The following FCHO2 variants were observed in gnomAD, a reference collection of about 807,000 sequenced individuals.
FCHO2 encodes the protein F-BAR domain only protein 2.
FCHO2 carries 43 observed loss-of-function variants against 114.1 expected under a neutral mutation model. The observed-to-expected ratio is 0.38, with a 90% CI of 0.30 to 0.49. The LOEUF is 0.49. Ranked by LOEUF, FCHO2 falls within the 20% of genes least tolerant of loss-of-function variation. The pLI is 0.97. For missense variants in FCHO2, 807 were observed against 950.4 expected (o/e 0.85, Z 1.98); for synonymous variants, 293 against 315.2 (o/e 0.93, Z 0.75).
chr5:73,072,007 A>G (rs1742680329), intron 19 of FCHO2, among the ~76,000 whole-genome samples: 1 of 151,782 alleles, frequency 6.6e-6, no homozygotes, highest in Non-Finnish European at 1.5e-5. Context: ...ATAAATATTC[A>G]TTTGTGTGAG....
In FCHO2 at chr5:73,049,283, C is replaced by T. The variant is rs540724638; in HGVS notation, c.940-2066C>T. Among the ~76,000 whole-genome samples the T allele has an allele frequency of 1.2e-4, 19 of 152,250 alleles. 1 individual carries two copies. In the South Asian group the frequency reaches 3.9e-3, roughly 32 times the overall value. ...ATTTACACTCTCAGTCCTTTTGCTT[C>T]ACCACACCACACCCCAAGATACACG... On this transcript the variant is annotated intron_variant, in intron 11 of 25. Transcript: ENST00000430046.
chr5:73,063,411 G>C (rs1757934125), intron 17 of FCHO2, among the ~76,000 whole-genome samples: 1 of 151,930 alleles, frequency 6.6e-6, no homozygotes, highest in Admixed American at 6.6e-5. Flanking sequence ...TTTTAATTAA[G>C]GTAAGTATTT....
intron 5 of FCHO2, among the ~76,000 whole-genome samples, chr5:73,005,298 A>G (rs1238031036): frequency 6.6e-6 from 1 of 152,124 alleles, no homozygotes; most frequent in Non-Finnish European, 1.5e-5. Flanking sequence ...ATAATTACAT[A>G]TTGGTACTGA....
intron 8 of FCHO2, among the ~76,000 whole-genome samples, chr5:73,020,408 A>G (rs1422235526): frequency 6.6e-6 from 1 of 152,178 alleles, no homozygotes; most frequent in Non-Finnish European, 1.5e-5. Context: ...ACTTTCTCAG[A>G]CTGTATGGAT....
intron 6 of FCHO2, among the ~76,000 whole-genome samples, chr5:73,014,907 C>G (rs1038828649): frequency 1.3e-5 from 2 of 151,588 alleles, no homozygotes; most frequent in African/African-American, 4.8e-5. Context: ...TGAAACCCGT[C>G]TCTACTAAAA....
intron 8 of FCHO2, among the ~76,000 whole-genome samples, chr5:73,033,664 A>C (rs1756350493): frequency 6.6e-6 from 1 of 152,170 alleles, no homozygotes; most frequent in Non-Finnish European, 1.5e-5. Context: ...TCACAAAAAA[A>C]GCTAGACTTT....
At chr5:72,997,483 T>G in intron 5 of FCHO2, 1 of 1,527,108 alleles carries the variant, frequency 6.5e-7, no homozygotes, top group Non-Finnish European at 9.1e-7. Flanking sequence ...CTCCAGGGGT[T>G]TACAGGAGCC....
chr5:73,056,872 T>TA lies in FCHO2; in HGVS notation c.1253+776dup, dbSNP rs60237022. Among the ~76,000 whole-genome samples, 166 of 148,026 alleles carry TA rather than the reference T, an allele frequency of 1.1e-3. 1 individual carries two copies. Among genetic ancestry groups the TA allele is most frequent in the South Asian group, 3.2e-3 (15 of 4,652 alleles). On this transcript the variant is annotated intron_variant, in intron 16 of 25. Coordinates refer to ENST00000430046, the MANE Select transcript of FCHO2 (RefSeq NM_138782.3). ...TAGAAGGCATGTTGCCAGCTCTTCT[T>TA]AAAAAAAAAAATGTTAAGCCAATGT... is the stretch of plus-strand genomic sequence containing the variant.
intron 7 of FCHO2, 134 bp from the exon 8 acceptor site, chr5:73,017,078 T>G: frequency 1.9e-6 from 1 of 539,378 alleles, no homozygotes; most frequent in East Asian, 3.4e-5. Flanking sequence ...TTAGGTAAAT[T>G]AAAGTCCTCA....
chr5:73,023,681 C>G (rs1323657403), intron 8 of FCHO2, among the ~76,000 whole-genome samples: 1 of 147,404 alleles, frequency 6.8e-6, no homozygotes, highest in African/African-American at 2.5e-5. Context: ...GCCTAGGCAA[C>G]AAGAGCGAAA....
At chr5:72,996,883 C>T (rs62360759) in intron 5 of FCHO2, 230,067 of 1,482,522 alleles carry the variant, frequency 0.16, 19,211 homozygotes, top group Non-Finnish European at 0.17. Context: ...CCGGGGCCGG[C>T]GGGGCCGGCA....
At chr5:73,074,608 C>G in intron 19 of FCHO2, 134 bp from the exon 20 acceptor site, 1 of 735,484 alleles carries the variant, frequency 1.4e-6, no homozygotes, top group South Asian at 1.8e-5. Context: ...TCTTAGCCCC[C>G]AGATTTATCA....
At chr5:73,052,559 C>T in intron 13 of FCHO2, 52 bp downstream of exon 13, 1 of 1,403,828 alleles carries the variant, frequency 7.1e-7, no homozygotes, top group Non-Finnish European at 9.7e-7. Flanking sequence ...ATTTTTCTTA[C>T]CTACCTGTGT....
chr5:72,997,902 C>G (rs1580072591), intron 5 of FCHO2, among the ~76,000 whole-genome samples: 1 of 152,320 alleles, frequency 6.6e-6, no homozygotes, highest in African/African-American at 2.4e-5. Flanking sequence ...CAGGCAGAGG[C>G]CTAGGAGAAC....
At chr5:73,042,650 A>G (rs1371468826) in intron 11 of FCHO2, among the ~76,000 whole-genome samples, 1 of 152,172 alleles carries the variant, frequency 6.6e-6, no homozygotes, top group Non-Finnish European at 1.5e-5. Context: ...AATACGTTAT[A>G]AAAGGATTTG....
At chr5:72,998,426 G>T (rs1754246392) in intron 5 of FCHO2, among the ~76,000 whole-genome samples, 1 of 151,906 alleles carries the variant, frequency 6.6e-6, no homozygotes, top group South Asian at 2.1e-4. Flanking sequence ...GGCAGAGCTT[G>T]CAGTGAGCCG....
chr5:72,959,646 T>G lies in FCHO2; in HGVS notation c.33+3517T>G, dbSNP rs112586147. On this transcript the variant is annotated intron_variant, in intron 1 of 25. Transcript: ENST00000430046. Reference sequence around the variant, plus strand: ...AATAAAATTGTCAAAATTCAAAACATCGTGCTCTATATGATAAATATATAT... The same window carrying G: ...AATAAAATTGTCAAAATTCAAAACAGCGTGCTCTATATGATAAATATATAT... Among the ~76,000 whole-genome samples the G allele has an allele frequency of 7.7e-3, 1,174 of 152,306 alleles. 13 individuals are homozygous for G. The highest frequency in any genetic ancestry group is 0.027 in the African/African-American group (1,125 of 41,556).
At chr5:73,056,833 A>G (rs1178089405) in intron 16 of FCHO2, among the ~76,000 whole-genome samples, 2 of 152,156 alleles carry the variant, frequency 1.3e-5, no homozygotes, top group African/African-American at 4.8e-5. Context: ...CAAGTTGGAA[A>G]GGGAGAGAGA....
Position 73,041,294 on chromosome 5 carries a change from A to T in FCHO2, c.918A>T (p.Glu306Asp). 6.8e-7 allele frequency: 1 copy of T among 1,480,666 alleles called. No individual in the cohort carries two copies. Among genetic ancestry groups the T allele is most frequent in the Non-Finnish European group, 9.4e-7 (1 of 1,065,744 alleles). The allele number at this position is 1,480,666 out of a possible 1,614,324, so 91.7% of individuals were successfully genotyped here. A position where few individuals can be genotyped will look rare whatever the true frequency, so the allele number is the denominator to read the frequency against. ...IKKEKDAESV[E>D]CPDADSLNIP... ...TTCTGATATTTTGTTTTAATAGGGA[A>T]TGTCCTGATGCAGATTCATTGGTAA... is the stretch of plus-strand genomic sequence containing the variant. Residue 306 changes from glutamate (E) to aspartate (D), a missense_variant, in exon 11 of 26, where the codon GAA becomes GAT. Coordinates refer to ENST00000430046, the MANE Select transcript of FCHO2 (RefSeq NM_138782.3).
Sources: allele counts gnomAD v4.1 joint callset (sites outside exome capture counted in the v4.1 genomes callset), GRCh38; gene constraint gnomAD v4.1.1; transcripts MANE v1.5; gene names NCBI Gene and HGNC (gene_info 2026-07-23, HGNC 2026-07-21).